STK11: variants seen among roughly 807,000 people sequenced by gnomAD.
The protein encoded by STK11 is serine/threonine-protein kinase STK11.
Under a neutral mutation model 47.3 loss-of-function variants are expected in STK11, and 8 were observed. The observed-to-expected ratio is 0.17, with a 90% CI of 0.10 to 0.31. STK11 has a LOEUF of 0.31. Among genes scored for constraint, STK11 ranks in the 10% least tolerant of loss-of-function variants. The probability of loss-of-function intolerance (pLI) is 1.00; values close to 1 mark genes in which losing one functional copy is unlikely to be tolerated. For missense variants in STK11, 475 were observed against 605.0 expected, an observed-to-expected ratio of 0.79 and a Z score of 2.25; for synonymous variants, 330 against 255.8, an observed-to-expected ratio of 1.29 and a Z score of -2.77.
Position 1,220,478 on chromosome 19 carries a change from C to T in STK11, c.570C>T (p.Leu190=), listed in dbSNP as rs937650956. ...GNLLLTTGGT[L]KISDLGVAEA... ...TGCTGCTCACCACCGGTGGCACCCTCAAAATCTCCGACCTGGGCGTGGCCG... is the reference window on the plus strand; with the variant it reads ...TGCTGCTCACCACCGGTGGCACCCTTAAAATCTCCGACCTGGGCGTGGCCG... Residue 190 remains leucine (L), a synonymous_variant, in exon 4 of 10, where the codon CTC becomes CTT. Coordinates refer to ENST00000326873, the MANE Select transcript of STK11 (RefSeq NM_000455.5). 1.2e-6 allele frequency: 2 copies of T among 1,606,770 alleles called. No homozygotes were observed. The highest frequency in any genetic ancestry group is 8.5e-7 in the Non-Finnish European group (1 of 1,177,134).
At chr19:1,219,251 C>T in intron 2 of STK11, 73 bp from the exon 3 acceptor site, 1 of 1,528,938 alleles carries the variant, frequency 6.5e-7, no homozygotes. Context: ...TCCAGAGCCC[C>T]TTTTCTGGCC....
At chr19:1,208,772 A>T (rs12611000) in intron 1 of STK11, among the ~76,000 whole-genome samples, 1 of 146,170 alleles carries the variant, frequency 6.8e-6, no homozygotes, top group African/African-American at 2.6e-5. Flanking sequence ...TGCCTGCCAC[A>T]GTGCCCAGCT....
chr19:1,219,546 T>G (rs898085865), intron 3 of STK11, 133 bp downstream of exon 3: 4 of 969,258 alleles, frequency 4.1e-6, no homozygotes, highest in Non-Finnish European at 6.0e-6. Flanking sequence ...GTTTTTTTGT[T>G]TTTTTGTGTT....
rs1381768849 is a variant in STK11, at chr19:1,207,222, G to A, written c.290+19G>A. ...TGAAGAAGTAAGTATGGCTTGCTGG[G>A]GTCGGGGCCGGGCCGGGCCAGTCAC... is the stretch of plus-strand genomic sequence containing the variant. On this transcript the variant is annotated intron_variant, in intron 1 of 9. Transcript: ENST00000326873. The A allele has an allele frequency of 1.9e-6, 3 of 1,582,428 alleles. No homozygotes were observed.
intron 9 of STK11, 54 bp from the exon 10 acceptor site, chr19:1,227,539 A>C: frequency 9.4e-7 from 1 of 1,061,872 alleles, no homozygotes; most frequent in African/African-American, 1.6e-5. Flanking sequence ...GGCCCGCGGG[A>C]GGCGGAGAAC....
chr19:1,207,985 C>T (rs896761668), intron 1 of STK11, among the ~76,000 whole-genome samples: 1 of 152,172 alleles, frequency 6.6e-6, no homozygotes, highest in Admixed American at 6.5e-5. Flanking sequence ...TGGGGGTGGC[C>T]GGGGGTGTCC....
Position 1,206,304 on chromosome 19 carries a change from C to T in STK11, c.-610C>T, listed in dbSNP as rs2080664377. 8.9e-6 allele frequency: 2 copies of T among 224,168 alleles called. No individual in the cohort carries two copies. Among genetic ancestry groups the T allele is most frequent in the Non-Finnish European group, 1.8e-5 (2 of 112,500 alleles). The allele number at this position is 224,168 out of a possible 1,614,324, so 13.9% of individuals were successfully genotyped here. On this transcript the variant is annotated 5_prime_UTR_variant, in exon 1 of 10. Transcript: ENST00000326873. ...CAGCCCCCCGAACGCTCGCCCGGGC[C>T]GGCGGGAGTCGGCGCCCCCCGGGAG...
At position 1,218,516 on chromosome 19, in the gene STK11, T is replaced by C. The variant is rs767150201; in HGVS notation, c.374+16T>C. The C allele has an allele frequency of 4.3e-6, 7 of 1,611,514 alleles. No individual in the cohort carries two copies. Among genetic ancestry groups the C allele is most frequent in the Admixed American group, 1.7e-5 (1 of 60,020 alleles). On this transcript the variant is annotated intron_variant, in intron 2 of 9. Transcript: ENST00000326873. ...AGCAGAAAATATATCCTTTCCGGTG[T>C]TGGGACCGCGGGGCCTCCGTGGGAG...
At chr19:1,207,251 G>A (rs1263063099) in intron 1 of STK11, 48 bp downstream of exon 1, 4 of 1,549,258 alleles carry the variant, frequency 2.6e-6, no homozygotes, top group South Asian at 1.2e-5. Flanking sequence ...CAGTCACGGT[G>A]CTGATGGTTC....
intron 8 of STK11, chr19:1,224,376 C>T: frequency 6.1e-6 from 6 of 985,436 alleles, no homozygotes; most frequent in Non-Finnish European, 7.2e-6. Flanking sequence ...ACCCTGGTCA[C>T]TAGGGTGTGC....
At chr19:1,225,682 T>G in intron 8 of STK11, 1 of 985,556 alleles carries the variant, frequency 1.0e-6, no homozygotes, top group Non-Finnish European at 1.2e-6. Context: ...GGCTCTGCAC[T>G]GGGCACATGA....
intron 1 of STK11, among the ~76,000 whole-genome samples, chr19:1,213,009 T>A (rs1206256572): frequency 1.4e-5 from 2 of 138,390 alleles, no homozygotes; most frequent in East Asian, 4.3e-4. Flanking sequence ...TTTTTTTTTT[T>A]TTTTTGAGAT....
chr19:1,221,933 GC>G lies in STK11; in HGVS notation c.863-14del. 6.4e-7 allele frequency: 1 copy of G among 1,551,482 alleles called. No homozygotes were observed. Among genetic ancestry groups the G allele is most frequent in the Non-Finnish European group, 8.7e-7 (1 of 1,147,530 alleles). On this transcript the variant is annotated splice_polypyrimidine_tract_variant and intron_variant, in intron 6 of 9. Coordinates refer to ENST00000326873, the MANE Select transcript of STK11 (RefSeq NM_000455.5). ...CCTGTGCCCAGCTGACAGGCTCCTC[GC>G]CGGCTTCTCCTCAGGGATGCTTGAG...
In STK11 at chr19:1,218,464, T is replaced by C. The variant is rs532995063; in HGVS notation, c.338T>C (p.Leu113Pro). 6.2e-7 allele frequency: 1 copy of C among 1,613,638 alleles called. No homozygotes were observed. Among genetic ancestry groups the C allele is most frequent in the African/African-American group, 1.3e-5 (1 of 75,066 alleles). ...RRLRHKNVIQ[L>P]VDVLYNEEKQ... ...TTACGGCACAAAAATGTCATCCAGC[T>C]GGTGGATGTGTTATACAACGAAGAG... Residue 113 changes from leucine (L) to proline (P), a missense_variant, in exon 2 of 10, where the codon CTG (leucine) becomes CCG (proline). Leu to Pro is a moderately conservative substitution (Grantham distance 98, BLOSUM62 -3). Transcript: ENST00000326873.
chr19:1,222,867 G>A lies in STK11; in HGVS notation c.921-118G>A, dbSNP rs528255340. On this transcript the variant is annotated intron_variant, in intron 7 of 9. Transcript: ENST00000326873. The stretch of plus-strand genomic sequence containing the variant: ...CTGTGGTCACAGCCACCCCTTGCAC[G>A]GCCTGGTCCCAGCTCCTGAGTGTGT... The A allele has an allele frequency of 3.8e-5, 46 of 1,224,390 alleles. 1 individual carries two copies. Among genetic ancestry groups the A allele is most frequent in the Middle Eastern group, 2.9e-4 (1 of 3,500 alleles). The allele number at this position is 1,224,390 out of a possible 1,614,324, so 75.8% of individuals were successfully genotyped here.
chr19:1,227,387 C>T (rs1599933571), intron 9 of STK11: 2 of 355,930 alleles, frequency 5.6e-6, no homozygotes, highest in South Asian at 1.2e-4. Flanking sequence ...CCACCAGCGT[C>T]AGAGCCCGCC....
At position 1,228,137 on chromosome 19, in the gene STK11, G is replaced by A; in HGVS notation, c.*561G>A. The A allele has an allele frequency of 9.4e-7, 1 of 1,065,212 alleles. No individual in the cohort carries two copies. The highest frequency in any genetic ancestry group is 1.1e-6 in the Non-Finnish European group (1 of 879,048). 66.0% of individuals were successfully genotyped at this position (1,065,212 alleles called of 1,614,324 possible). A position where few individuals can be genotyped will look rare whatever the true frequency, so the allele number is the denominator to read the frequency against. ...GTGTTTGGGAGCTGCTGGGTGGCAG[G>A]GGGGCTGTGGGGTCGGGCTCACGTC... is the stretch of plus-strand genomic sequence containing the variant. On this transcript the variant is annotated 3_prime_UTR_variant, in exon 10 of 10. Coordinates refer to ENST00000326873, the MANE Select transcript of STK11 (RefSeq NM_000455.5).
At chr19:1,213,085 C>T (rs1042360971) in intron 1 of STK11, among the ~76,000 whole-genome samples, 1 of 149,954 alleles carries the variant, frequency 6.7e-6, no homozygotes, top group African/African-American at 2.5e-5. Flanking sequence ...CAAGCTCTGC[C>T]TCCCGGGTTC....
rs786203043 is a variant in STK11 at position 1,206,909 on chromosome 19, C to T, written c.-5C>T. On this transcript the variant is annotated 5_prime_UTR_variant, in exon 1 of 10. Coordinates refer to ENST00000326873, the MANE Select transcript of STK11 (RefSeq NM_000455.5). ...GCGGCGGGACTCCAGGACCCTGGGT[C>T]CAGCATGGAGGTGGTGGACCCGCAG... 2 of 1,570,482 alleles carry T rather than the reference C, an allele frequency of 1.3e-6. No individual in the cohort carries two copies. Among genetic ancestry groups the T allele is most frequent in the Non-Finnish European group, 1.7e-6 (2 of 1,158,134 alleles).
Sources: allele counts gnomAD v4.1 joint callset (sites outside exome capture counted in the v4.1 genomes callset), GRCh38; gene constraint gnomAD v4.1.1; transcripts MANE v1.5; gene names NCBI Gene and HGNC (gene_info 2026-07-23, HGNC 2026-07-21).